The following TRIM13 variants were observed in gnomAD, a reference collection of about 807,000 sequenced individuals.
TRIM13 encodes E3 ubiquitin-protein ligase TRIM13.
A neutral mutation model predicts 27.1 loss-of-function variants in TRIM13; 15 were observed. The observed-to-expected ratio is 0.55, with a 90% CI of 0.37 to 0.85. The LOEUF (loss-of-function observed/expected upper bound fraction) is 0.85. Among genes scored for constraint, TRIM13 ranks in the 40% least tolerant of loss-of-function variants. The probability of loss-of-function intolerance (pLI) is 0.00; values close to 1 mark genes in which losing one functional copy is unlikely to be tolerated. For synonymous variants in TRIM13, 193 were observed against 171.5 expected, an observed-to-expected ratio of 1.13 and a Z score of -0.98; for missense variants, 402 against 472.2, an observed-to-expected ratio of 0.85 and a Z score of 1.38.
At chr13:49,998,192 A>C (rs1016413059) in intron 1 of TRIM13, among the ~76,000 whole-genome samples, 6 of 152,122 alleles carry the variant, frequency 3.9e-5, no homozygotes, top group Non-Finnish European at 8.8e-5. Context: ...TTAACCGGCT[A>C]TACTTCCTTC....
Position 50,015,679 on chromosome 13 carries a change from A to G in TRIM13, c.*2515A>G, listed in dbSNP as rs1876449792. 6.2e-7 allele frequency: 1 copy of G among 1,614,122 alleles called. No homozygotes were observed. Among genetic ancestry groups the G allele is most frequent in the South Asian group, 1.1e-5 (1 of 91,076 alleles). ...ATGGTGATTTGTTTAGTTTCATCTT[A>G]GATTTTTTGAGAACTCACCAGCTTT... On this transcript the variant is annotated 3_prime_UTR_variant, in exon 2 of 2. Transcript: ENST00000378182.
intron 1 of TRIM13, among the ~76,000 whole-genome samples, chr13:50,009,144 CATTACAAGTTAACAAATAATTTAGGAAA>C (rs2138397196): frequency 6.6e-6 from 1 of 151,434 alleles, no homozygotes; most frequent in African/African-American, 2.4e-5. Flanking sequence ...ATGATAAACC[CATTACAAGTTAACAAATAATTTAGGAAA>C]ATAACTATTT....
intron 1 of TRIM13, among the ~76,000 whole-genome samples, chr13:50,008,093 G>A (rs987150389): frequency 6.6e-6 from 1 of 151,866 alleles, no homozygotes; most frequent in Non-Finnish European, 1.5e-5. Context: ...TTTTAGTAGA[G>A]ACGGGGTTTT....
In TRIM13 at chr13:50,016,852, T is replaced by C. The variant is rs1168926708; in HGVS notation, c.*3688T>C. 2 of 144,046 alleles carry C rather than the reference T, an allele frequency of 1.4e-5. No individual in the cohort carries two copies. Among genetic ancestry groups the C allele is most frequent in the Non-Finnish European group, 3.2e-5 (2 of 62,152 alleles). 8.9% of individuals were successfully genotyped at this position (144,046 alleles called of 1,614,324 possible). On this transcript the variant is annotated 3_prime_UTR_variant, in exon 2 of 2. Coordinates refer to ENST00000378182, the MANE Select transcript of TRIM13 (RefSeq NM_213590.3). ...CTGCATGTGTTCTTTATTGGTATCA[T>C]TTAAAATATACTTTTTTTTTTTTTT...
Position 50,012,516 on chromosome 13 carries a change from A to G in TRIM13, c.576A>G (p.Thr192=). 1 of 1,614,062 alleles carries G rather than the reference A, an allele frequency of 6.2e-7. No homozygotes were observed. Among genetic ancestry groups the G allele is most frequent in the Non-Finnish European group, 8.5e-7 (1 of 1,179,996 alleles). The change falls in exon 2 of 2, where the codon ACA becomes ACG. Residue 192 remains threonine, a synonymous_variant. Coordinates refer to ENST00000378182, the MANE Select transcript of TRIM13 (RefSeq NM_213590.3). ...AATTTTTTGAGAAGTTACAACACAC[A>G]CTGGATCAAAAGAAGAATGAAATTC... ...VKEFFEKLQH[T]LDQKKNEILS...
chr13:50,008,425 C>T (rs1041347876), intron 1 of TRIM13, among the ~76,000 whole-genome samples: 10 of 151,898 alleles, frequency 6.6e-5, no homozygotes, highest in Non-Finnish European at 8.8e-5. Flanking sequence ...CAGTGCTTTG[C>T]GAGGCTGAGG....
chr13:49,998,746 T>G (rs532894706), intron 1 of TRIM13, among the ~76,000 whole-genome samples: 86 of 151,994 alleles, frequency 5.7e-4, no homozygotes, highest in Non-Finnish European at 1.0e-3. Context: ...CTGACCAATA[T>G]GGTGAAATCC....
rs547402113 is a variant in TRIM13 at position 50,014,912 on chromosome 13, T to C, written c.*1748T>C. 1.2e-5 allele frequency: 2 copies of C among 166,362 alleles called. No homozygotes were observed. The highest frequency in any genetic ancestry group is 6.6e-5 in the Admixed American group (1 of 15,184). The allele number at this position is 166,362 out of a possible 1,614,324, so 10.3% of individuals were successfully genotyped here. A position where few individuals can be genotyped will look rare whatever the true frequency, so the allele number is the denominator to read the frequency against. ...AATGATTTCCTTCTAGCTATGAGAA[T>C]AGTCAAATTGAGCTTGCCAGGCTGT... On this transcript the variant is annotated 3_prime_UTR_variant, in exon 2 of 2. Transcript: ENST00000378182.
In TRIM13 at chr13:50,013,016, C is replaced by T. The variant is rs1266545076; in HGVS notation, c.1076C>T (p.Thr359Ile). 2 of 1,613,968 alleles carry T rather than the reference C, an allele frequency of 1.2e-6. No homozygotes were observed. Among genetic ancestry groups the T allele is most frequent in the Non-Finnish European group, 1.7e-6 (2 of 1,179,970 alleles). Residue 359 changes from threonine (T) to isoleucine (I), a missense_variant, in exon 2 of 2, where the codon ACT becomes ATT. Transcript: ENST00000378182. ...CTTTCAAACTTCAGTTCCTATCTGACTAAAACAGCCGATTTCATAGAACAA... is the reference window on the plus strand; with the variant it reads ...CTTTCAAACTTCAGTTCCTATCTGATTAAAACAGCCGATTTCATAGAACAA... ...GCLSNFSSYL[T>I]KTADFIEQSV...
chr13:50,013,067 C>G lies in TRIM13; in HGVS notation c.1127C>G (p.Thr376Arg), dbSNP rs765262855. Residue 376 changes from threonine (T) to arginine (R), a missense_variant, in exon 2 of 2, where the codon ACA (threonine) becomes AGA (arginine). Around this residue, in one of 2 missense-constraint regions of TRIM13, gnomAD observed 200 missense variants for 194.7 expected, o/e 1.03. Transcript: ENST00000378182. The part of the protein sequence containing the change: ...EQSVFYWEQV[T>R]DGFFIFNERF... Reference sequence around the variant, plus strand: ...TCAGTTTTTTACTGGGAACAGGTGACAGATGGGTTTTTCATTTTCAATGAA... The same window carrying G: ...TCAGTTTTTTACTGGGAACAGGTGAGAGATGGGTTTTTCATTTTCAATGAA... The G allele has an allele frequency of 1.2e-6, 2 of 1,613,748 alleles. No homozygotes were observed. The highest frequency in any genetic ancestry group is 2.2e-5 in the South Asian group (2 of 90,974).
chr13:50,006,769 A>G (rs1390466261), intron 1 of TRIM13, among the ~76,000 whole-genome samples: 1 of 152,178 alleles, frequency 6.6e-6, no homozygotes. Flanking sequence ...TTTTTCAGAA[A>G]AATCAGCTAA....
In TRIM13 at chr13:50,015,917, G is replaced by C; in HGVS notation, c.*2753G>C. The C allele has an allele frequency of 3.7e-6, 6 of 1,614,088 alleles. No homozygotes were observed. Among genetic ancestry groups the C allele is most frequent in the Non-Finnish European group, 5.1e-6 (6 of 1,179,988 alleles). On this transcript the variant is annotated 3_prime_UTR_variant, in exon 2 of 2. Coordinates refer to ENST00000378182, the MANE Select transcript of TRIM13 (RefSeq NM_213590.3). ...TGAGATGCTAACAGGGAGGATTACA[G>C]TGTTTACAGAACAACCTTCAGCGCC...
rs1439589133 is a variant in TRIM13 at position 50,012,851 on chromosome 13, G to C, written c.911G>C (p.Gly304Ala). The C allele has an allele frequency of 6.2e-7, 1 of 1,613,916 alleles. No homozygotes were observed. The highest frequency in any genetic ancestry group is 8.5e-7 in the Non-Finnish European group (1 of 1,180,002). The change falls in exon 2 of 2, where the codon GGC (glycine) becomes GCC (alanine). Residue 304 changes from glycine (G) to alanine (A), a missense_variant. Gly to Ala is a moderately conservative substitution (Grantham distance 60). Transcript: ENST00000378182. ...VDKLSLPQDT[G>A]TFISKIPWSF... ...AAACTTTCTTTGCCTCAAGACACTG[G>C]CACATTCATTAGCAAGATTCCCTGG...
chr13:50,011,450 A>T (rs1466749969), intron 1 of TRIM13, among the ~76,000 whole-genome samples: 1 of 152,256 alleles, frequency 6.6e-6, no homozygotes, highest in African/African-American at 2.4e-5. Flanking sequence ...AAACAAAAAT[A>T]TGCCAATTCA....
Position 50,014,055 on chromosome 13 carries a change from T to C in TRIM13, c.*891T>C, listed in dbSNP as rs1049769604. 1 of 166,730 alleles carries C rather than the reference T, an allele frequency of 6.0e-6. No individual in the cohort carries two copies. Among genetic ancestry groups the C allele is most frequent in the Non-Finnish European group, 1.5e-5 (1 of 68,066 alleles). 10.3% of individuals were successfully genotyped at this position (166,730 alleles called of 1,614,324 possible). The stretch of plus-strand genomic sequence containing the variant: ...GGCATTTTCTTGTGATAAGTTTACA[T>C]TTTTAGGAGAGTGGAGCTTTCAATC... On this transcript the variant is annotated 3_prime_UTR_variant, in exon 2 of 2. Transcript: ENST00000378182.
rs1308638853 is a variant in TRIM13 at position 50,014,166 on chromosome 13, A to G, written c.*1002A>G. The G allele has an allele frequency of 6.0e-6, 1 of 165,540 alleles. No individual in the cohort carries two copies. Among genetic ancestry groups the G allele is most frequent in the Non-Finnish European group, 1.5e-5 (1 of 67,820 alleles). 10.3% of individuals were successfully genotyped at this position (165,540 alleles called of 1,614,324 possible). ...TGGCTATGCAAGCAAAAGCATAGAT[A>G]GGTTAAAAAAAAGGATCAGCTGGCT... On this transcript the variant is annotated 3_prime_UTR_variant, in exon 2 of 2. Coordinates refer to ENST00000378182, the MANE Select transcript of TRIM13 (RefSeq NM_213590.3).
rs538718020 is a variant in TRIM13 at position 50,016,707 on chromosome 13, C to T, written c.*3543C>T. ...TCTGTTGTTCTTGGCTGGATCCTAA[C>T]GCTGATTTCCACTCTGCTGTCACAA... On this transcript the variant is annotated 3_prime_UTR_variant, in exon 2 of 2. Coordinates refer to ENST00000378182, the MANE Select transcript of TRIM13 (RefSeq NM_213590.3). 2 of 167,154 alleles carry T rather than the reference C, an allele frequency of 1.2e-5. No homozygotes were observed. Among genetic ancestry groups the T allele is most frequent in the Admixed American group, 6.5e-5 (1 of 15,284 alleles). The allele number at this position is 167,154 out of a possible 1,614,324, so 10.4% of individuals were successfully genotyped here.
At position 50,017,437 on chromosome 13, in the gene TRIM13, C is replaced by A. The variant is rs1876744895; in HGVS notation, c.*4273C>A. ...TAAAACTGGGATGTTCCTGTGTGTA[C>A]ACAGTGCCAAATGGTTTTCCCTTTT... On this transcript the variant is annotated 3_prime_UTR_variant, in exon 2 of 2. Transcript: ENST00000378182. 1 of 167,066 alleles carries A rather than the reference C, an allele frequency of 6.0e-6. No homozygotes were observed. Among genetic ancestry groups the A allele is most frequent in the South Asian group, 2.1e-4 (1 of 4,832 alleles). 10.3% of individuals were successfully genotyped at this position (167,066 alleles called of 1,614,324 possible).
At chr13:50,009,661 C>T (rs575907453) in intron 1 of TRIM13, among the ~76,000 whole-genome samples, 8 of 140,026 alleles carry the variant, frequency 5.7e-5, no homozygotes, top group African/African-American at 1.3e-4. Context: ...CACTTGAACT[C>T]GGGAGGTGGA....
Sources: gnomAD v4.1 joint callset for allele counts (sites outside exome capture counted in the v4.1 genomes callset) on GRCh38, gnomAD v4.1.1 for gene constraint, gnomAD v4.1.1 regional missense constraint, MANE v1.5 for transcripts, NCBI Gene and HGNC (gene_info 2026-07-23, HGNC 2026-07-21) for gene names.